The following CCSER1 variants were observed in gnomAD, a reference collection of about 807,000 sequenced individuals.
The protein encoded by CCSER1 is coiled-coil serine rich protein 1.
Under a neutral mutation model 82.0 loss-of-function variants are expected in CCSER1, and 41 were observed. The ratio of observed to expected loss-of-function variants is 0.50; its 90% CI spans 0.39 to 0.65. The LOEUF (loss-of-function observed/expected upper bound fraction) is 0.65, where lower values mean the gene tolerates loss of function less well. Ranked by LOEUF, CCSER1 falls within the 30% of genes least tolerant of loss-of-function variation. The pLI is 0.00. For synonymous variants in CCSER1, 414 were observed against 383.9 expected, an observed-to-expected ratio of 1.08 and a Z score of -0.92; for missense variants, 1,119 against 1,064.2, an observed-to-expected ratio of 1.05 and a Z score of -0.72.
At chr4:90,887,236 T>A (rs1336841649) in intron 8 of CCSER1, among the ~76,000 whole-genome samples, 2 of 152,000 alleles carry the variant, frequency 1.3e-5, no homozygotes, top group Non-Finnish European at 2.9e-5. Context: ...GGAATAAAGA[T>A]TCCATAAATA....
intron 9 of CCSER1, among the ~76,000 whole-genome samples, chr4:90,995,800 A>G (rs1467087263): frequency 1.3e-5 from 2 of 152,098 alleles, no homozygotes; most frequent in Admixed American, 1.3e-4. Flanking sequence ...TAGAACCATA[A>G]AAGATCCATA....
chr4:91,600,846 A>T lies in CCSER1; in HGVS notation c.*1789A>T. The T allele has an allele frequency of 6.6e-6, 1 of 152,176 alleles. No individual in the cohort carries two copies. Among genetic ancestry groups the T allele is most frequent in the African/African-American group, 2.4e-5 (1 of 41,454 alleles). 9.4% of individuals were successfully genotyped at this position (152,176 alleles called of 1,614,324 possible). On this transcript the variant is annotated 3_prime_UTR_variant, in exon 11 of 11. Coordinates refer to ENST00000509176, the MANE Select transcript of CCSER1 (RefSeq NM_001145065.2). ...TTTGTAATTCTGCCAAAAGAGAACA[A>T]TATACACTGCAAATTGCTTGACTTA... is the stretch of plus-strand genomic sequence containing the variant.
Position 91,148,887 on chromosome 4 carries a change from A to T in CCSER1, c.2217+62893A>T, listed in dbSNP as rs1247909375. Among the ~76,000 whole-genome samples the T allele has an allele frequency of 2.6e-5, 4 of 152,240 alleles. No individual in the cohort carries two copies. In the East Asian group the frequency reaches 7.7e-4, roughly 29 times the overall value. On this transcript the variant is annotated intron_variant, in intron 10 of 10. Transcript: ENST00000509176. ...ATTTTCTTAATCCAGTCTATCATTG[A>T]TGGACATTTGGGTTGGTTCCAAATC...
chr4:90,199,764 T>C (rs984072089), intron 1 of CCSER1, among the ~76,000 whole-genome samples: 2 of 152,130 alleles, frequency 1.3e-5, no homozygotes, highest in Non-Finnish European at 2.9e-5. Context: ...TTTGTGTTTT[T>C]TTCACACTCA....
At chr4:90,980,591 T>C (rs556804165) in intron 9 of CCSER1, among the ~76,000 whole-genome samples, 68 of 151,766 alleles carry the variant, frequency 4.5e-4, no homozygotes, top group Admixed American at 1.7e-3. Flanking sequence ...CAGTATTGGG[T>C]TGTTGTAATA....
At chr4:90,475,536 C>T (rs1764958212) in intron 5 of CCSER1, among the ~76,000 whole-genome samples, 2 of 152,166 alleles carry the variant, frequency 1.3e-5, no homozygotes, top group South Asian at 4.1e-4. Context: ...TTCAGTGCTT[C>T]AAATGTGTTC....
chr4:91,100,443 T>G (rs1247832879), intron 10 of CCSER1, among the ~76,000 whole-genome samples: 1 of 152,130 alleles, frequency 6.6e-6, no homozygotes, highest in Non-Finnish European at 1.5e-5. Flanking sequence ...TGTTTGAGTG[T>G]CATGCTATTC....
chr4:90,667,076 C>T (rs547082664), intron 6 of CCSER1, among the ~76,000 whole-genome samples: 5 of 152,278 alleles, frequency 3.3e-5, no homozygotes, highest in South Asian at 4.1e-4. Flanking sequence ...AACACCGAAT[C>T]GACTTCAGGT....
At chr4:90,868,331 TC>T (rs908841022) in intron 8 of CCSER1, among the ~76,000 whole-genome samples, 2 of 151,938 alleles carry the variant, frequency 1.3e-5, no homozygotes, top group Non-Finnish European at 2.9e-5. Flanking sequence ...CATCCCTTTT[TC>T]CCCCACCACT....
At chr4:91,206,527 T>C (rs1030267681) in intron 10 of CCSER1, among the ~76,000 whole-genome samples, 4 of 151,924 alleles carry the variant, frequency 2.6e-5, no homozygotes, top group Non-Finnish European at 4.4e-5. Flanking sequence ...ATGTATTGAA[T>C]ACAATTACAA....
intron 10 of CCSER1, among the ~76,000 whole-genome samples, chr4:91,317,836 T>C (rs773719858): frequency 4.6e-5 from 7 of 151,800 alleles, no homozygotes; most frequent in Non-Finnish European, 7.4e-5. Context: ...AGTGGAACAA[T>C]TGGGGGCTTA....
chr4:90,414,822 T>C (rs1755554376), intron 4 of CCSER1, among the ~76,000 whole-genome samples: 1 of 152,210 alleles, frequency 6.6e-6, no homozygotes, highest in African/African-American at 2.4e-5. Flanking sequence ...GTATATGTTA[T>C]GAACTATACA....
chr4:91,521,634 T>G (rs1760478233), intron 10 of CCSER1, among the ~76,000 whole-genome samples: 1 of 152,252 alleles, frequency 6.6e-6, no homozygotes, highest in Admixed American at 6.5e-5. Flanking sequence ...TGACCAGTGA[T>G]GATGAGCATT....
intron 9 of CCSER1, among the ~76,000 whole-genome samples, chr4:91,053,041 G>T (rs529177459): frequency 6.6e-6 from 1 of 152,192 alleles, no homozygotes; most frequent in East Asian, 1.9e-4. Context: ...ACACCAAGCT[G>T]AAGTGGGATC....
At chr4:91,018,060 G>C (rs561678852) in intron 9 of CCSER1, among the ~76,000 whole-genome samples, 30 of 152,216 alleles carry the variant, frequency 2.0e-4, no homozygotes, top group Non-Finnish European at 3.1e-4. Flanking sequence ...AAAGTCTCCA[G>C]TATATTAAAC....
At chr4:90,809,034 T>G (rs1247414083) in intron 7 of CCSER1, among the ~76,000 whole-genome samples, 1 of 152,122 alleles carries the variant, frequency 6.6e-6, no homozygotes, top group Admixed American at 6.5e-5. Flanking sequence ...CATGGTATTA[T>G]AAGTCAGGCA....
intron 3 of CCSER1, among the ~76,000 whole-genome samples, chr4:90,328,293 G>C (rs1255985029): frequency 6.6e-6 from 1 of 152,046 alleles, no homozygotes; most frequent in Admixed American, 6.5e-5. Flanking sequence ...AGTGGATATA[G>C]AGAAATATGC....
At chr4:91,122,190 C>T (rs149998839) in intron 10 of CCSER1, among the ~76,000 whole-genome samples, 19 of 151,772 alleles carry the variant, frequency 1.3e-4, no homozygotes, top group African/African-American at 4.1e-4. Context: ...CCTGATTGGT[C>T]AAGATTTGCA....
intron 10 of CCSER1, among the ~76,000 whole-genome samples, chr4:91,177,108 T>C (rs1581713529): frequency 6.6e-6 from 1 of 152,224 alleles, no homozygotes. Flanking sequence ...TCTGTTTATA[T>C]GATGGATTAT....
Sources: gnomAD v4.1 joint callset for allele counts (sites outside exome capture counted in the v4.1 genomes callset) on GRCh38, gnomAD v4.1.1 for gene constraint, MANE v1.5 for transcripts, NCBI Gene and HGNC (gene_info 2026-07-23, HGNC 2026-07-21) for gene names.